The following STPG2 variants were observed in gnomAD, a reference collection of about 807,000 sequenced individuals.
STPG2 encodes the protein sperm tail PG-rich repeat containing 2.
Under a neutral mutation model 54.2 loss-of-function variants are expected in STPG2, and 56 were observed. The ratio of observed to expected loss-of-function variants is 1.03; its 90% confidence interval spans 0.83 to 1.29. The LOEUF (loss-of-function observed/expected upper bound fraction) is 1.29. Ranked by LOEUF, STPG2 falls within the 50% of genes most tolerant of loss-of-function variation. The pLI is 0.00. For synonymous variants in STPG2, 200 were observed against 181.8 expected (o/e 1.10, Z -0.81); for missense variants, 596 against 544.9 (o/e 1.09, Z -0.93).
chr4:97,610,237 T>A (rs2148914211), intron 10 of STPG2, among the ~76,000 whole-genome samples: 1 of 152,156 alleles, frequency 6.6e-6, no homozygotes, highest in Non-Finnish European at 1.5e-5. Flanking sequence ...AGCTTACATG[T>A]AGCCACTAAG....
intron 10 of STPG2, among the ~76,000 whole-genome samples, chr4:97,709,166 C>G (rs1175727345): frequency 1.3e-5 from 2 of 151,718 alleles, no homozygotes; most frequent in Non-Finnish European, 1.5e-5. Flanking sequence ...TTAATTAGTA[C>G]TATCACATAT....
At chr4:97,821,620 G>A (rs1314881472) in intron 9 of STPG2, among the ~76,000 whole-genome samples, 1 of 152,206 alleles carries the variant, frequency 6.6e-6, no homozygotes, top group Admixed American at 6.5e-5. Flanking sequence ...GCTTCTGCCT[G>A]GGCACCCAGG....
chr4:97,667,570 C>T (rs1324175682), intron 10 of STPG2, among the ~76,000 whole-genome samples: 2 of 152,112 alleles, frequency 1.3e-5, no homozygotes, highest in South Asian at 2.1e-4. Context: ...GGCATGTTAA[C>T]GAGAGTTGGG....
At chr4:97,925,977 C>T (rs1001798703) in intron 8 of STPG2, among the ~76,000 whole-genome samples, 1 of 152,098 alleles carries the variant, frequency 6.6e-6, no homozygotes, top group Non-Finnish European at 1.5e-5. Flanking sequence ...TCCATGATAC[C>T]TTAGTGTTCC....
chr4:97,880,570 T>C (rs1266024292), intron 8 of STPG2, among the ~76,000 whole-genome samples: 1 of 152,138 alleles, frequency 6.6e-6, no homozygotes, highest in Non-Finnish European at 1.5e-5. Flanking sequence ...GCAAATTAGA[T>C]AATCCTACAT....
intron 9 of STPG2, among the ~76,000 whole-genome samples, chr4:97,791,819 A>G (rs1346176460): frequency 6.6e-6 from 1 of 151,996 alleles, no homozygotes; most frequent in Non-Finnish European, 1.5e-5. Context: ...AGCATAACAA[A>G]TAAAAAAAAA....
chr4:97,937,290 A>T (rs185693015), intron 8 of STPG2, among the ~76,000 whole-genome samples: 24 of 152,028 alleles, frequency 1.6e-4, no homozygotes, highest in African/African-American at 5.5e-4. Context: ...ACCTTTTATC[A>T]TGGTTCTCAG....
intron 9 of STPG2, among the ~76,000 whole-genome samples, chr4:97,796,263 G>T (rs1391545711): frequency 1.3e-5 from 2 of 152,190 alleles, no homozygotes; most frequent in Admixed American, 1.3e-4. Flanking sequence ...TTTTAGACAT[G>T]AAGTCCTTGC....
chr4:98,006,353 A>G (rs140228615), intron 5 of STPG2, among the ~76,000 whole-genome samples: 16 of 152,328 alleles, frequency 1.1e-4, no homozygotes, highest in African/African-American at 3.8e-4. Flanking sequence ...GTCTCTCCCA[A>G]TACCTAAAGC....
chr4:97,535,208 G>GT (rs1199542379), intron 4 of STPG2, among the ~76,000 whole-genome samples: 23 of 152,174 alleles, frequency 1.5e-4, no homozygotes, highest in Non-Finnish European at 3.1e-4. Flanking sequence ...ACTGCCGACT[G>GT]TTTTTGTTAA....
chr4:97,638,974 AC>A (rs1269507522), intron 10 of STPG2, among the ~76,000 whole-genome samples: 6 of 151,060 alleles, frequency 4.0e-5, no homozygotes, highest in Non-Finnish European at 8.8e-5. Context: ...ATACCATTTG[AC>A]CCGGCCATCC....
intron 7 of STPG2, among the ~76,000 whole-genome samples, chr4:97,960,753 T>A (rs1733854818): frequency 6.6e-6 from 1 of 152,092 alleles, no homozygotes; most frequent in Admixed American, 6.6e-5. Flanking sequence ...GAATCAATAT[T>A]GTGAAAATGA....
intron 5 of STPG2, among the ~76,000 whole-genome samples, chr4:98,022,294 T>C (rs955915466): frequency 6.6e-6 from 1 of 151,186 alleles, no homozygotes; most frequent in Non-Finnish European, 1.5e-5. Flanking sequence ...TTTGGCTGGA[T>C]ATGAAATTCT....
chr4:97,693,872 C>T (rs966072374), intron 10 of STPG2, among the ~76,000 whole-genome samples: 1 of 152,098 alleles, frequency 6.6e-6, no homozygotes, highest in Non-Finnish European at 1.5e-5. Context: ...ACCCTCAAAA[C>T]CATGCAAATA....
At chr4:98,087,408 G>T (rs1029563798) in intron 5 of STPG2, among the ~76,000 whole-genome samples, 11 of 152,010 alleles carry the variant, frequency 7.2e-5, no homozygotes, top group African/African-American at 2.7e-4. Context: ...CACCAAGACA[G>T]TCTCACTAGC....
intron 10 of STPG2, among the ~76,000 whole-genome samples, chr4:97,624,717 T>C (rs1734096060): frequency 6.6e-6 from 1 of 152,212 alleles, no homozygotes; most frequent in African/African-American, 2.4e-5. Context: ...CTGAATGGTA[T>C]TGCTGAAATT....
At chr4:97,681,171 AT>A (rs1391099591) in intron 10 of STPG2, among the ~76,000 whole-genome samples, 3 of 151,868 alleles carry the variant, frequency 2.0e-5, no homozygotes, top group Non-Finnish European at 4.4e-5. Flanking sequence ...GATGATGAAA[AT>A]TTTTTTAAAA....
intron 10 of STPG2, among the ~76,000 whole-genome samples, chr4:97,656,854 GC>G (rs1722231733): frequency 1.3e-5 from 2 of 151,610 alleles, no homozygotes; most frequent in African/African-American, 4.8e-5. Flanking sequence ...AGTTGTATTT[GC>G]CCTGTAATTT....
intron 5 of STPG2, among the ~76,000 whole-genome samples, chr4:98,009,169 C>T (rs905119184): frequency 1.3e-5 from 2 of 151,564 alleles, no homozygotes; most frequent in African/African-American, 4.8e-5. Context: ...TCTTTGTTAA[C>T]TTTGGGCTTG....
Sources: gnomAD v4.1 joint callset for allele counts (sites outside exome capture counted in the v4.1 genomes callset) on GRCh38, gnomAD v4.1.1 for gene constraint, MANE v1.5 for transcripts, NCBI Gene and HGNC (gene_info 2026-07-23, HGNC 2026-07-21) for gene names.